Variants in TK2 observed in about 807,000 individuals in gnomAD.
TK2 encodes the protein thymidine kinase 2, mitochondrial.
TK2 carries 35 observed loss-of-function variants against 41.9 expected under a neutral mutation model. The ratio of observed to expected loss-of-function variants is 0.84; its 90% confidence interval spans 0.64 to 1.11. TK2 has a LOEUF of 1.11. Ranked by LOEUF, TK2 falls within the 50% of genes least tolerant of loss-of-function variation. TK2 has a pLI of 0.00. For synonymous variants in TK2, 128 were observed against 129.1 expected (o/e 0.99, Z 0.06); for missense variants, 320 against 351.1 (o/e 0.91, Z 0.71).
intron 2 of TK2, among the ~76,000 whole-genome samples, chr16:66,543,033 C>T (rs1315739603): frequency 6.6e-6 from 1 of 152,162 alleles, no homozygotes; most frequent in Non-Finnish European, 1.5e-5. Flanking sequence ...CCACCACACC[C>T]GGCTAATTTT....
At chr16:66,536,492 GA>G (rs1965286714) in intron 4 of TK2, among the ~76,000 whole-genome samples, 1 of 152,124 alleles carries the variant, frequency 6.6e-6, no homozygotes, top group Non-Finnish European at 1.5e-5. Context: ...TCACCCTTGG[GA>G]AAGCAGGCTG....
chr16:66,515,184 A>G (rs1437539058), intron 8 of TK2, among the ~76,000 whole-genome samples: 2 of 149,668 alleles, frequency 1.3e-5, no homozygotes, highest in African/African-American at 2.5e-5. Context: ...AAAAAAAAAA[A>G]GGCAGGACCC....
At chr16:66,538,302 T>C (rs1965350181) in intron 3 of TK2, among the ~76,000 whole-genome samples, 1 of 152,100 alleles carries the variant, frequency 6.6e-6, no homozygotes, top group Non-Finnish European at 1.5e-5. Flanking sequence ...TCACATCAAC[T>C]TTCATCACAT....
Position 66,510,695 on chromosome 16 carries a change from T to C in TK2, c.*1273A>G, listed in dbSNP as rs1026108547. ...CTTAATCCTTTCCAGGGTTTGCATC[T>C]AGTCTTCTTGAAGCTCTCTCTGCCC... On this transcript the variant is annotated 3_prime_UTR_variant, in exon 10 of 10. Transcript: ENST00000544898. 6.6e-6 allele frequency: 1 copy of C among 152,226 alleles called. No homozygotes were observed. The highest frequency in any genetic ancestry group is 1.5e-5 in the Non-Finnish European group (1 of 68,048). The allele number at this position is 152,226 out of a possible 1,614,324, so 9.4% of individuals were successfully genotyped here.
chr16:66,530,291 C>T lies in TK2; in HGVS notation c.375+1089G>A, dbSNP rs55861082. Among the ~76,000 whole-genome samples, 1,092 of 152,308 alleles carry T rather than the reference C, an allele frequency of 7.2e-3. 14 individuals carry two copies. The highest frequency in any genetic ancestry group is 0.025 in the African/African-American group (1,046 of 41,552). On this transcript the variant is annotated intron_variant, in intron 5 of 9. Coordinates refer to ENST00000544898, the MANE Select transcript of TK2 (RefSeq NM_004614.5). The stretch of plus-strand genomic sequence containing the variant: ...TGCCAGTGTTAACTGGCTGTAGGGA[C>T]AGTCTGTCTCCTTCATGCAGAGCCT...
At chr16:66,516,068 G>A (rs959682693) in intron 8 of TK2, among the ~76,000 whole-genome samples, 10 of 152,164 alleles carry the variant, frequency 6.6e-5, no homozygotes, top group African/African-American at 2.4e-5. Context: ...CAGAGGACAC[G>A]GAGGGAATAA....
intron 1 of TK2, chr16:66,549,363 A>ACC (rs999906862): frequency 8.8e-7 from 1 of 1,137,866 alleles, no homozygotes; most frequent in African/African-American, 1.6e-5. Context: ...TGGGCGGCGG[A>ACC]CGTGGTTTTG....
intron 6 of TK2, among the ~76,000 whole-genome samples, chr16:66,519,101 A>G (rs1001133829): frequency 3.9e-5 from 6 of 151,996 alleles, no homozygotes; most frequent in African/African-American, 1.4e-4. Flanking sequence ...AGCTGGGACT[A>G]CAGGCACCCG....
chr16:66,513,845 G>A (rs772546022), intron 8 of TK2, 34 bp from the exon 9 acceptor site: 2 of 1,583,594 alleles, frequency 1.3e-6, no homozygotes, highest in Admixed American at 3.3e-5. Context: ...TGTCGGGAGT[G>A]GACAGAGCAG....
chr16:66,522,106 C>A (rs929895411), intron 6 of TK2, among the ~76,000 whole-genome samples: 20 of 152,316 alleles, frequency 1.3e-4, no homozygotes, highest in African/African-American at 4.6e-4. Context: ...CCAAGCCTGG[C>A]TCTCCCTACC....
At chr16:66,546,148 T>G (rs1250699961) in intron 2 of TK2, among the ~76,000 whole-genome samples, 1 of 152,166 alleles carries the variant, frequency 6.6e-6, no homozygotes, top group African/African-American at 2.4e-5. Context: ...GAGGATCACC[T>G]GAGACCAGGA....
upstream of TK2, chr16:66,550,124 C>G (rs778314612): frequency 6.2e-7 from 1 of 1,611,732 alleles, no homozygotes; most frequent in Non-Finnish European, 8.5e-7. Context: ...CGGACGACTG[C>G]TAGTCCAGCC....
At chr16:66,548,071 ATG>A (rs1255374930) in intron 2 of TK2, 1 of 660,436 alleles carries the variant, frequency 1.5e-6, no homozygotes, top group Non-Finnish European at 2.4e-6. Flanking sequence ...CGTCTCTTAA[ATG>A]TATAAACAAA....
chr16:66,545,685 G>A (rs765079050), intron 2 of TK2, among the ~76,000 whole-genome samples: 9 of 152,148 alleles, frequency 5.9e-5, no homozygotes, highest in Admixed American at 2.0e-4. Context: ...TTAGCTGCAC[G>A]TGGTGGCACA....
chr16:66,548,745 G>T (rs1965685274), intron 2 of TK2: 1 of 533,074 alleles, frequency 1.9e-6, no homozygotes, highest in African/African-American at 1.9e-5. Flanking sequence ...AAATCTACCT[G>T]AAGGATACAA....
At chr16:66,545,179 A>G (rs1018866156) in intron 2 of TK2, among the ~76,000 whole-genome samples, 6 of 152,208 alleles carry the variant, frequency 3.9e-5, no homozygotes, top group African/African-American at 9.6e-5. Context: ...GAATATGCAT[A>G]TATGTATTTA....
At chr16:66,533,367 A>C (rs900045825) in intron 4 of TK2, among the ~76,000 whole-genome samples, 8 of 142,738 alleles carry the variant, frequency 5.6e-5, no homozygotes, top group Admixed American at 2.7e-4. Context: ...AAGCTATAAG[A>C]GAATAATTTG....
At chr16:66,528,882 A>G (rs1965018249) in intron 6 of TK2, 112 bp downstream of exon 6, 1 of 1,013,600 alleles carries the variant, frequency 9.9e-7, no homozygotes, top group Non-Finnish European at 1.5e-6. Context: ...ATGGCAATGG[A>G]TAACTGATAC....
In TK2 at chr16:66,517,880, G is replaced by A. The variant is rs1182021840; in HGVS notation, c.450-3C>T. 1 of 1,613,398 alleles carries A rather than the reference G, an allele frequency of 6.2e-7. No individual in the cohort carries two copies. The highest frequency in any genetic ancestry group is 1.3e-5 in the African/African-American group (1 of 74,924). Reference sequence around the variant, plus strand: ...AGTCCACTTCTGGCATCTTCCCACTGCAATGAGAGTTGTAAGGGCTTATTC... The same window carrying A: ...AGTCCACTTCTGGCATCTTCCCACTACAATGAGAGTTGTAAGGGCTTATTC... On this transcript the variant is annotated splice_region_variant and splice_polypyrimidine_tract_variant and intron_variant, in intron 6 of 9. Transcript: ENST00000544898. The surrounding 1 kb of genome is among the most constrained non-coding windows in gnomAD (Gnocchi z 4.3).
Sources: gnomAD v4.1 joint callset for allele counts (sites outside exome capture counted in the v4.1 genomes callset) on GRCh38, gnomAD v4.1.1 for gene constraint, Gnocchi (gnomAD v3.1) non-coding constraint, MANE v1.5 for transcripts, NCBI Gene and HGNC (gene_info 2026-07-23, HGNC 2026-07-21) for gene names.